Variants in MPHOSPH8 observed in about 807,000 individuals in gnomAD.
The protein encoded by MPHOSPH8 is M-phase phosphoprotein 8, also known as M-phase phosphoprotein, mpp.
MPHOSPH8 carries 45 observed loss-of-function variants against 87.3 expected under a neutral mutation model. That is an observed-to-expected ratio of 0.52 (90% CI 0.41 to 0.66). The LOEUF (loss-of-function observed/expected upper bound fraction) is 0.66. Ranked by LOEUF, MPHOSPH8 falls within the 30% of genes least tolerant of loss-of-function variation. The probability of loss-of-function intolerance (pLI) is 0.00; values close to 1 mark genes in which losing one functional copy is unlikely to be tolerated. For missense variants in MPHOSPH8, 883 were observed against 1,020.2 expected, an observed-to-expected ratio of 0.87 and a Z score of 1.83; for synonymous variants, 366 against 376.9, an observed-to-expected ratio of 0.97 and a Z score of 0.33.
At chr13:19,671,640 C>T (rs773936009) in intron 13 of MPHOSPH8, among the ~76,000 whole-genome samples, 194 bp from the exon 14 acceptor site, 11 of 152,130 alleles carry the variant, frequency 7.2e-5, no homozygotes, top group Non-Finnish European at 1.5e-4. Context: ...TCTAATAAAA[C>T]AGTAATATAA....
chr13:19,643,134 C>CTCA (rs1162705355), intron 2 of MPHOSPH8, among the ~76,000 whole-genome samples: 2 of 152,128 alleles, frequency 1.3e-5, no homozygotes, highest in Admixed American at 1.3e-4. Flanking sequence ...CATGGAGTGT[C>CTCA]TCATAGGGGC....
chr13:19,661,199 T>A (rs2125547), intron 7 of MPHOSPH8: 103,986 of 155,694 alleles, frequency 0.67, 38,598 homozygotes, highest in East Asian at 0.89. Flanking sequence ...GTCACACAAA[T>A]TTGTTGGTTT....
Position 19,672,236 on chromosome 13 carries a change from C to G in MPHOSPH8, c.*361C>G, listed in dbSNP as rs533238645. On this transcript the variant is annotated 3_prime_UTR_variant, in exon 14 of 14. Transcript: ENST00000361479. ...CTCGGCTCACTGCAAGCTCTGCCTCCTGGGTTCAAGTGATTCTCCTGCCTC... is the reference window on the plus strand; with the variant it reads ...CTCGGCTCACTGCAAGCTCTGCCTCGTGGGTTCAAGTGATTCTCCTGCCTC... The G allele has an allele frequency of 7.4e-4, 142 of 192,250 alleles. No homozygotes were observed. The highest frequency in any genetic ancestry group is 7.1e-3 in the Middle Eastern group (3 of 424). The allele number at this position is 192,250 out of a possible 1,614,324, so 11.9% of individuals were successfully genotyped here.
intron 10 of MPHOSPH8, among the ~76,000 whole-genome samples, chr13:19,668,115 G>C (rs1310596955): frequency 1.3e-5 from 2 of 152,220 alleles, no homozygotes; most frequent in Admixed American, 6.5e-5. Context: ...CTTTGTGCCA[G>C]GCACTGTTCT....
At position 19,650,205 on chromosome 13, in the gene MPHOSPH8, T is replaced by C; in HGVS notation, c.1521T>C (p.Ala507=). The C allele has an allele frequency of 6.2e-7, 1 of 1,614,190 alleles. No homozygotes were observed. Among genetic ancestry groups the C allele is most frequent in the Non-Finnish European group, 8.5e-7 (1 of 1,180,032 alleles). The change falls in exon 5 of 14, where the codon GCT becomes GCC. Residue 507 remains alanine (A), a synonymous_variant. Coordinates refer to ENST00000361479, the MANE Select transcript of MPHOSPH8 (RefSeq NM_017520.4). ...AAACGGATACTTGGGCATACATTGC[T>C]GCAGAAGGTGATCAGGAGGTTTTAG... The part of the protein sequence containing the change: ...RDETDTWAYI[A]AEGDQEVLDS...
intron 5 of MPHOSPH8, among the ~76,000 whole-genome samples, chr13:19,656,108 A>C (rs559744302): frequency 6.6e-6 from 1 of 152,088 alleles, no homozygotes; most frequent in East Asian, 1.9e-4. Context: ...TCTCAACAAC[A>C]ACGTAATAAA....
At chr13:19,642,768 C>T (rs543471767) in intron 2 of MPHOSPH8, among the ~76,000 whole-genome samples, 1 of 151,348 alleles carries the variant, frequency 6.6e-6, no homozygotes, top group South Asian at 2.1e-4. Context: ...ATAGGCTGAA[C>T]ATTGATCTTT....
Position 19,673,259 on chromosome 13 carries a change from A to T in MPHOSPH8, c.*1384A>T. 1 of 401,480 alleles carries T rather than the reference A, an allele frequency of 2.5e-6. No homozygotes were observed. The highest frequency in any genetic ancestry group is 1.8e-5 in the South Asian group (1 of 55,392). 24.9% of individuals were successfully genotyped at this position (401,480 alleles called of 1,614,324 possible). The stretch of plus-strand genomic sequence containing the variant: ...TGTATGGCAAGCATAAATCAAGCTC[A>T]GTCTGGGTTATGGAGAAGTTGAAAA... On this transcript the variant is annotated 3_prime_UTR_variant, in exon 14 of 14. Coordinates refer to ENST00000361479, the MANE Select transcript of MPHOSPH8 (RefSeq NM_017520.4).
intron 5 of MPHOSPH8, among the ~76,000 whole-genome samples, chr13:19,656,857 C>T (rs530941797): frequency 4.1e-4 from 62 of 152,136 alleles, no homozygotes; most frequent in African/African-American, 1.4e-3. Context: ...GGGCCAGGCA[C>T]GGTGGCTCAC....
At position 19,647,262 on chromosome 13, in the gene MPHOSPH8, G is replaced by A; in HGVS notation, c.1189G>A (p.Gly397Ser). Residue 397 changes from glycine to serine, a missense_variant, in exon 3 of 14, where the codon GGC becomes AGC. Gly to Ser is a moderately conservative substitution (Grantham distance 56). This residue lies in a region of MPHOSPH8 where 741 missense variants were observed against 841.5 expected (regional missense o/e 0.88). Transcript: ENST00000361479. ...KGRRLSGEER[G>S]LWSTDSAEED... ...CCGGAGGTTGAGCGGGGAAGAGAGAGGCCTCTGGTCCACGGACTCAGCCGA... is the reference window on the plus strand; with the variant it reads ...CCGGAGGTTGAGCGGGGAAGAGAGAAGCCTCTGGTCCACGGACTCAGCCGA... 2 of 1,609,162 alleles carry A rather than the reference G, an allele frequency of 1.2e-6. No individual in the cohort carries two copies. Among genetic ancestry groups the A allele is most frequent in the Admixed American group, 1.7e-5 (1 of 58,402 alleles).
At chr13:19,660,505 T>C (rs1329950883) in intron 7 of MPHOSPH8, among the ~76,000 whole-genome samples, 1 of 152,170 alleles carries the variant, frequency 6.6e-6, no homozygotes, top group African/African-American at 2.4e-5. Flanking sequence ...TTCACAAAAT[T>C]ATTGGGCTTT....
chr13:19,667,037 C>T (rs1010831869), intron 10 of MPHOSPH8, among the ~76,000 whole-genome samples: 10 of 152,056 alleles, frequency 6.6e-5, no homozygotes, highest in African/African-American at 2.4e-4. Context: ...TGGTGGGTAC[C>T]TGTAACCCCA....
chr13:19,635,312 G>A (rs1453785612), intron 1 of MPHOSPH8, among the ~76,000 whole-genome samples: 1 of 151,996 alleles, frequency 6.6e-6, no homozygotes, highest in Non-Finnish European at 1.5e-5. Context: ...CGAGGTCAGG[G>A]GTTCGAGACC....
chr13:19,642,536 A>G (rs1221641126), intron 2 of MPHOSPH8, among the ~76,000 whole-genome samples: 2 of 152,220 alleles, frequency 1.3e-5, no homozygotes, highest in Non-Finnish European at 2.9e-5. Flanking sequence ...AGTAAGGTCA[A>G]GGTGGAGAAA....
chr13:19,638,531 T>TC (rs1304631780), intron 1 of MPHOSPH8, among the ~76,000 whole-genome samples: 4 of 151,686 alleles, frequency 2.6e-5, no homozygotes, highest in African/African-American at 9.7e-5. Context: ...GGGAATCACT[T>TC]GAACCCAGGA....
chr13:19,641,582 T>A (rs565385981), intron 1 of MPHOSPH8, among the ~76,000 whole-genome samples: 55 of 149,902 alleles, frequency 3.7e-4, no homozygotes, highest in African/African-American at 1.3e-3. Context: ...AACCTCTGCC[T>A]TCTGGGTTCA....
chr13:19,671,244 TCCCAATAAAC>T lies in MPHOSPH8; in HGVS notation c.2497_2506del (p.Pro833SerfsTer3). ...TTTACTCATTCAGCCCTGTTGCAGG[TCCCAATAAAC>T]TCTTCATAAGGTTGACAGAAGCACC... On this transcript the variant is annotated frameshift_variant, in exon 13 of 14. Coordinates refer to ENST00000361479, the MANE Select transcript of MPHOSPH8 (RefSeq NM_017520.4). LOFTEE classifies it high-confidence loss of function. 6.2e-7 allele frequency: 1 copy of T among 1,614,106 alleles called. No individual in the cohort carries two copies. The highest frequency in any genetic ancestry group is 8.5e-7 in the Non-Finnish European group (1 of 1,180,002).
At chr13:19,644,487 A>C (rs1874467582) in intron 2 of MPHOSPH8, among the ~76,000 whole-genome samples, 1 of 152,218 alleles carries the variant, frequency 6.6e-6, no homozygotes, top group African/African-American at 2.4e-5. Flanking sequence ...CCTAGAAGCA[A>C]ATACATAATT....
At chr13:19,669,847 G>A (rs1279465071) in intron 11 of MPHOSPH8, among the ~76,000 whole-genome samples, 1 of 152,074 alleles carries the variant, frequency 6.6e-6, no homozygotes, top group Non-Finnish European at 1.5e-5. Context: ...AATTGGAAGG[G>A]GCAAAAGGGT....
Sources: allele counts gnomAD v4.1 joint callset (sites outside exome capture counted in the v4.1 genomes callset), GRCh38; gene constraint gnomAD v4.1.1; regional missense constraint gnomAD v4.1.1; transcripts MANE v1.5; gene names NCBI Gene and HGNC (gene_info 2026-07-23, HGNC 2026-07-21).